CEACAM21: variants seen among roughly 807,000 people sequenced by gnomAD.
CEACAM21 encodes the protein cell adhesion molecule CEACAM21.
In CEACAM21, 38 loss-of-function variants were observed where a neutral mutation model predicts 33.2. The ratio of observed to expected loss-of-function variants is 1.14; its 90% CI spans 0.88 to 1.50. The LOEUF (loss-of-function observed/expected upper bound fraction) is 1.50, where lower values mean the gene tolerates loss of function less well. CEACAM21 is among the 40% of genes most tolerant of loss of function. CEACAM21 has a pLI of 0.00. For synonymous variants in CEACAM21, 156 were observed against 143.0 expected, an observed-to-expected ratio of 1.09 and a Z score of -0.65; for missense variants, 385 against 364.6, an observed-to-expected ratio of 1.06 and a Z score of -0.46.
intron 1 of CEACAM21, among the ~76,000 whole-genome samples, chr19:41,558,055 C>T (rs2041645720): frequency 1.3e-5 from 2 of 152,224 alleles, no homozygotes; most frequent in Admixed American, 1.3e-4. Context: ...GGCCTATTTT[C>T]AGGCGATAAA....
chr19:41,585,952 G>A, intron 6 of CEACAM21, 81 bp downstream of exon 6: 5 of 1,407,692 alleles, frequency 3.6e-6, no homozygotes, highest in Middle Eastern at 3.5e-4. Context: ...TCAATCCCCA[G>A]CACAAACCCA....
chr19:41,578,337 A>T (rs1439057795), intron 2 of CEACAM21, among the ~76,000 whole-genome samples: 1 of 150,152 alleles, frequency 6.7e-6, no homozygotes, highest in Non-Finnish European at 1.5e-5. Context: ...ATAATAATAG[A>T]TGATGTTTAT....
intron 1 of CEACAM21, chr19:41,553,628 A>C (rs2041356580): frequency 6.6e-6 from 1 of 152,072 alleles, no homozygotes; most frequent in South Asian, 2.1e-4. Context: ...TGGTTGGGTG[A>C]ATTCCTGTCC....
At chr19:41,584,549 G>T (rs557907751) in intron 4 of CEACAM21, 106 bp downstream of exon 4, 29 of 982,510 alleles carry the variant, frequency 3.0e-5, no homozygotes, top group South Asian at 4.4e-5. Context: ...CCAGCCTCCC[G>T]ACTCCCCAGG....
At chr19:41,585,108 T>G (rs148280315) in intron 4 of CEACAM21, among the ~76,000 whole-genome samples, 136 of 152,272 alleles carry the variant, frequency 8.9e-4, no homozygotes, top group Middle Eastern at 3.4e-3. Flanking sequence ...TGCCTGGCCC[T>G]GCTTTCCCCC....
chr19:41,581,296 A>T (rs547262450), intron 3 of CEACAM21, among the ~76,000 whole-genome samples: 1 of 152,342 alleles, frequency 6.6e-6, no homozygotes, highest in South Asian at 2.1e-4. Flanking sequence ...AGCCCAACCT[A>T]TTCCTTTAAT....
At chr19:41,566,947 T>C (rs566116643) in intron 2 of CEACAM21, among the ~76,000 whole-genome samples, 1 of 152,350 alleles carries the variant, frequency 6.6e-6, no homozygotes, top group South Asian at 2.1e-4. Context: ...GGTACAGCTA[T>C]TGTGGTATTC....
intron 2 of CEACAM21, among the ~76,000 whole-genome samples, chr19:41,568,007 C>T (rs1555788667): frequency 6.6e-6 from 1 of 151,970 alleles, no homozygotes; most frequent in Non-Finnish European, 1.5e-5. Context: ...ATCCTACAGA[C>T]ATAGGTGTTG....
intron 1 of CEACAM21, among the ~76,000 whole-genome samples, chr19:41,560,608 A>G (rs575828090): frequency 6.6e-6 from 1 of 152,378 alleles, no homozygotes. Context: ...GACACAAGAC[A>G]GCAGTAAATA....
intron 2 of CEACAM21, among the ~76,000 whole-genome samples, chr19:41,566,792 T>C (rs2042291577): frequency 6.6e-6 from 1 of 152,238 alleles, no homozygotes; most frequent in Non-Finnish European, 1.5e-5. Context: ...GTTATTGTTG[T>C]CAGTAAATAA....
intron 1 of CEACAM21, among the ~76,000 whole-genome samples, chr19:41,564,327 ATTTATTATTTATTTAT>A (rs1454603602): frequency 1.0e-3 from 141 of 138,354 alleles, no homozygotes; most frequent in African/African-American, 4.1e-3. Context: ...GGAGTGAGTT[ATTTATTATTTATTTAT>A]TTATTTATTT....
chr19:41,577,702 A>C, intron 2 of CEACAM21, 143 bp downstream of exon 2: 1 of 1,188,178 alleles, frequency 8.4e-7, no homozygotes, highest in Non-Finnish European at 1.2e-6. Context: ...GGACACACCC[A>C]GGGGAGACAA....
chr19:41,550,721 C>T (rs2041152811), intron 1 of CEACAM21: 1 of 152,028 alleles, frequency 6.6e-6, no homozygotes, highest in African/African-American at 2.4e-5. Context: ...ATAGTGTGCC[C>T]AGATCGCACG....
chr19:41,569,573 G>A (rs1428219527), intron 2 of CEACAM21, among the ~76,000 whole-genome samples: 2 of 152,078 alleles, frequency 1.3e-5, no homozygotes, highest in African/African-American at 2.4e-5. Flanking sequence ...GGGCTGCAGG[G>A]AGCTAGATAC....
chr19:41,563,301 C>T (rs2042015914), intron 1 of CEACAM21, among the ~76,000 whole-genome samples: 1 of 152,084 alleles, frequency 6.6e-6, no homozygotes, highest in South Asian at 2.1e-4. Flanking sequence ...CCAGCCAGGT[C>T]CTATGCGAGG....
intron 1 of CEACAM21, among the ~76,000 whole-genome samples, chr19:41,559,494 C>T (rs1184915189): frequency 6.6e-6 from 1 of 152,082 alleles, no homozygotes; most frequent in African/African-American, 2.4e-5. Context: ...TCATGAGCTA[C>T]TTACCCATTT....
intron 3 of CEACAM21, among the ~76,000 whole-genome samples, chr19:41,581,806 C>G (rs1025408609): frequency 5.3e-5 from 8 of 152,156 alleles, no homozygotes; most frequent in Admixed American, 4.6e-4. Flanking sequence ...GGGTCCTTCC[C>G]CCAACACGTG....
intron 2 of CEACAM21, among the ~76,000 whole-genome samples, chr19:41,568,844 T>C (rs2042424175): frequency 6.6e-6 from 1 of 152,236 alleles, no homozygotes; most frequent in South Asian, 2.1e-4. Context: ...AGAATATCAT[T>C]GGTGTTTTGA....
intron 1 of CEACAM21, among the ~76,000 whole-genome samples, chr19:41,562,084 A>T (rs1485274838): frequency 6.6e-6 from 1 of 152,126 alleles, no homozygotes; most frequent in Non-Finnish European, 1.5e-5. Context: ...CATCTGTACT[A>T]AAAATACAAA....
Sources: gnomAD v4.1 joint callset for allele counts (sites outside exome capture counted in the v4.1 genomes callset) on GRCh38, gnomAD v4.1.1 for gene constraint, MANE v1.5 for transcripts, NCBI Gene and HGNC (gene_info 2026-07-23, HGNC 2026-07-21) for gene names.